The following CSMD1 variants were observed in gnomAD, a reference collection of about 807,000 sequenced individuals.
CSMD1 encodes CUB and sushi domain-containing protein 1.
In CSMD1, 213 loss-of-function variants were observed where a neutral mutation model predicts 417.5. The ratio of observed to expected loss-of-function variants is 0.51; its 90% CI spans 0.46 to 0.57. The LOEUF is 0.57. Ranked by LOEUF, CSMD1 falls within the 20% of genes least tolerant of loss-of-function variation. CSMD1 has a pLI of 0.00. For missense variants in CSMD1, 6,923 were observed against 4,529.7 expected (o/e 1.53, Z -15.17); for synonymous variants, 2,862 against 1,736.8 (o/e 1.65, Z -16.11).
At chr8:3,790,033 T>A (rs942416116) in intron 5 of CSMD1, among the ~76,000 whole-genome samples, 5 of 152,204 alleles carry the variant, frequency 3.3e-5, no homozygotes, top group Non-Finnish European at 7.3e-5. Flanking sequence ...GCCCGGCCGA[T>A]CATGGTTAAT....
At chr8:3,031,378 T>C (rs1396324735) in intron 50 of CSMD1, among the ~76,000 whole-genome samples, 2 of 151,274 alleles carry the variant, frequency 1.3e-5, no homozygotes, top group African/African-American at 4.8e-5. Flanking sequence ...GATGAGTTAA[T>C]GGGTGCAGCA....
intron 3 of CSMD1, among the ~76,000 whole-genome samples, chr8:4,320,562 T>G (rs984520362): frequency 6.6e-6 from 1 of 151,870 alleles, no homozygotes; most frequent in Non-Finnish European, 1.5e-5. Flanking sequence ...CCTGTGTCCA[T>G]GTGTTCTCTT....
intron 5 of CSMD1, among the ~76,000 whole-genome samples, chr8:3,853,732 G>A (rs1245421947): frequency 1.3e-5 from 2 of 151,826 alleles, no homozygotes; most frequent in African/African-American, 4.8e-5. Context: ...GGTGGGGGGA[G>A]CAGGGAAGGA....
chr8:3,353,660 C>G (rs1037261307), intron 21 of CSMD1, among the ~76,000 whole-genome samples: 1 of 152,142 alleles, frequency 6.6e-6, no homozygotes, highest in Non-Finnish European at 1.5e-5. Flanking sequence ...ATTATTTGAG[C>G]TTGATTTAAA....
chr8:4,303,553 A>G (rs999804718), intron 3 of CSMD1, among the ~76,000 whole-genome samples: 3 of 151,856 alleles, frequency 2.0e-5, no homozygotes, highest in African/African-American at 7.3e-5. Context: ...TAAATTTTAA[A>G]AAATTTCTTC....
At chr8:4,562,181 G>T (rs950411494) in intron 2 of CSMD1, among the ~76,000 whole-genome samples, 36 of 152,160 alleles carry the variant, frequency 2.4e-4, no homozygotes, top group African/African-American at 8.4e-4. Context: ...TGAGCAGTAG[G>T]AAGAAACTAG....
chr8:3,325,912 AAAG>A (rs1806497835), intron 23 of CSMD1, among the ~76,000 whole-genome samples: 1 of 152,260 alleles, frequency 6.6e-6, no homozygotes, highest in African/African-American at 2.4e-5. Context: ...CACAAAATAT[AAAG>A]AATAATTCAT....
intron 1 of CSMD1, among the ~76,000 whole-genome samples, chr8:4,844,382 G>A (rs1187701266): frequency 6.6e-6 from 1 of 151,976 alleles, no homozygotes; most frequent in African/African-American, 2.4e-5. Context: ...CCTTCCCATA[G>A]GAAATTAACA....
At chr8:4,325,009 C>A (rs554907435) in intron 3 of CSMD1, among the ~76,000 whole-genome samples, 3 of 152,202 alleles carry the variant, frequency 2.0e-5, no homozygotes, top group South Asian at 4.2e-4. Context: ...GGTGTGGTCA[C>A]TCATTGAGTG....
At chr8:3,740,452 G>C (rs1234305445) in intron 6 of CSMD1, among the ~76,000 whole-genome samples, 1 of 152,178 alleles carries the variant, frequency 6.6e-6, no homozygotes, top group African/African-American at 2.4e-5. Flanking sequence ...GTAGACTTTT[G>C]CAGGAGAACT....
At chr8:4,515,620 A>C (rs1803073453) in intron 2 of CSMD1, among the ~76,000 whole-genome samples, 1 of 152,202 alleles carries the variant, frequency 6.6e-6, no homozygotes, top group Non-Finnish European at 1.5e-5. Context: ...TATCAATAGC[A>C]ACAACAGAAA....
chr8:4,960,830 A>G (rs1224272450), intron 1 of CSMD1, among the ~76,000 whole-genome samples: 1 of 152,140 alleles, frequency 6.6e-6, no homozygotes, highest in East Asian at 1.9e-4. Context: ...TATCAAATGA[A>G]TTCATTTACA....
rs1039048086 is a variant in CSMD1, at chr8:3,232,663, A to G, written c.4154-2432T>C. 2.0e-5 allele frequency among the ~76,000 whole-genome samples: 3 copies of G among 152,120 alleles called. No homozygotes were observed. In the East Asian group the frequency reaches 5.8e-4, roughly 29 times the overall value. On this transcript the variant is annotated intron_variant, in intron 26 of 69. Coordinates refer to ENST00000635120, the MANE Select transcript of CSMD1 (RefSeq NM_033225.6). Reference sequence around the variant, plus strand: ...ATTGTCCTTTAAATTCAATCCCAGAATTGTCTTTTAATTGGATAGTTTAGT... The same window carrying G: ...ATTGTCCTTTAAATTCAATCCCAGAGTTGTCTTTTAATTGGATAGTTTAGT...
chr8:2,965,055 C>A (rs564652055), intron 59 of CSMD1, among the ~76,000 whole-genome samples: 6 of 152,296 alleles, frequency 3.9e-5, no homozygotes, highest in Non-Finnish European at 5.9e-5. Context: ...TGTCCTTCCT[C>A]TGCACCAGCT....
intron 49 of CSMD1, among the ~76,000 whole-genome samples, chr8:3,060,785 G>A (rs1812543056): frequency 1.3e-5 from 2 of 152,180 alleles, no homozygotes; most frequent in Admixed American, 1.3e-4. Flanking sequence ...CAGGTCATGA[G>A]AGCTCTTTCT....
chr8:3,570,654 T>C (rs1191297173), intron 10 of CSMD1, among the ~76,000 whole-genome samples: 1 of 152,176 alleles, frequency 6.6e-6, no homozygotes, highest in Admixed American at 6.5e-5. Context: ...GCCCCTTTGT[T>C]ATCTAAAATA....
At chr8:3,505,536 A>G (rs528559126) in intron 10 of CSMD1, among the ~76,000 whole-genome samples, 5 of 152,334 alleles carry the variant, frequency 3.3e-5, no homozygotes, top group Middle Eastern at 3.4e-3. Context: ...CTGTATGACA[A>G]TAATAGGAAT....
intron 2 of CSMD1, among the ~76,000 whole-genome samples, chr8:4,608,513 G>T (rs574058698): frequency 6.6e-6 from 1 of 152,202 alleles, no homozygotes; most frequent in East Asian, 1.9e-4. Flanking sequence ...GTGTTTAAAT[G>T]TGGAATCTCC....
At chr8:4,163,411 T>C (rs912294881) in intron 3 of CSMD1, among the ~76,000 whole-genome samples, 5 of 152,234 alleles carry the variant, frequency 3.3e-5, no homozygotes, top group South Asian at 2.1e-4. Flanking sequence ...GTTGGTGTTA[T>C]GGATTTTGGC....
Sources: gnomAD v4.1 joint callset for allele counts (sites outside exome capture counted in the v4.1 genomes callset) on GRCh38, gnomAD v4.1.1 for gene constraint, MANE v1.5 for transcripts, NCBI Gene and HGNC (gene_info 2026-07-23, HGNC 2026-07-21) for gene names.